The following PHKB variants were observed in gnomAD, a reference collection of about 807,000 sequenced individuals.
PHKB encodes phosphorylase kinase regulatory subunit beta, also known as phosphorylase b kinase regulatory subunit beta.
Under a neutral mutation model 152.1 loss-of-function variants are expected in PHKB, and 122 were observed. The observed-to-expected ratio is 0.80, with a 90% CI of 0.69 to 0.93. PHKB has a LOEUF of 0.93. Among genes scored for constraint, PHKB ranks in the 40% least tolerant of loss-of-function variants. The probability of loss-of-function intolerance (pLI) is 0.00; values close to 1 mark genes in which losing one functional copy is unlikely to be tolerated. For missense variants in PHKB, 1,304 were observed against 1,328.4 expected, an observed-to-expected ratio of 0.98 and a Z score of 0.29; for synonymous variants, 436 against 464.9, an observed-to-expected ratio of 0.94 and a Z score of 0.80.
At chr16:47,567,779 C>T (rs908494288) in intron 7 of PHKB, among the ~76,000 whole-genome samples, 5 of 152,016 alleles carry the variant, frequency 3.3e-5, no homozygotes, top group East Asian at 1.9e-4. Flanking sequence ...ATGCTTTTTC[C>T]GCATCTTTTA....
rs1051418895 is a variant in PHKB, at chr16:47,628,313, A to G, written c.1459-12722A>G. On this transcript the variant is annotated intron_variant, in intron 14 of 30. Coordinates refer to ENST00000323584, the MANE Select transcript of PHKB (RefSeq NM_000293.3). ...TTTGGGAGGCCGAGGCGGGTGGATC[A>G]TGAGGTCAGGAGATCGAGACCATCC... is the stretch of plus-strand genomic sequence containing the variant. Among the ~76,000 whole-genome samples, 9 of 152,260 alleles carry G rather than the reference A, an allele frequency of 5.9e-5. No homozygotes were observed. The East Asian group carries it at 1.4e-3, about 23-fold the overall frequency.
intron 8 of PHKB, among the ~76,000 whole-genome samples, chr16:47,586,970 AT>A (rs1971945531): frequency 6.6e-6 from 1 of 152,136 alleles, no homozygotes; most frequent in Non-Finnish European, 1.5e-5. Context: ...TGTATAAAAA[AT>A]ATATATATGG....
At chr16:47,678,339 C>T (rs994034129) in intron 26 of PHKB, among the ~76,000 whole-genome samples, 6 of 152,194 alleles carry the variant, frequency 3.9e-5, no homozygotes, top group Non-Finnish European at 8.8e-5. Context: ...CCTGAGGAAT[C>T]GCCACACTGA....
At chr16:47,483,222 AT>A (rs1969996472) in intron 1 of PHKB, among the ~76,000 whole-genome samples, 2 of 151,006 alleles carry the variant, frequency 1.3e-5, no homozygotes, top group Admixed American at 6.6e-5. Context: ...TATTTTTTGT[AT>A]TTTTAGTAGA....
chr16:47,559,655 G>A (rs914797642), intron 7 of PHKB, among the ~76,000 whole-genome samples: 2 of 152,174 alleles, frequency 1.3e-5, no homozygotes, highest in Non-Finnish European at 1.5e-5. Context: ...ACAGCATGGT[G>A]GCTGGGCTCC....
intron 10 of PHKB, among the ~76,000 whole-genome samples, chr16:47,592,914 CT>C: frequency 6.6e-6 from 1 of 152,186 alleles, no homozygotes; most frequent in South Asian, 2.1e-4. Context: ...ATAAACAAAT[CT>C]TTGACATATC....
At chr16:47,549,285 T>C (rs907569886) in intron 7 of PHKB, among the ~76,000 whole-genome samples, 2 of 152,230 alleles carry the variant, frequency 1.3e-5, no homozygotes, top group African/African-American at 4.8e-5. Flanking sequence ...TCAGTACATA[T>C]GATTATCAGA....
intron 13 of PHKB, 86 bp from the exon 14 acceptor site, chr16:47,610,740 T>G (rs1023279057): frequency 3.9e-6 from 3 of 773,992 alleles, no homozygotes; most frequent in East Asian, 2.5e-5. Flanking sequence ...ATTCTTCTCT[T>G]GTTGGAGTAT....
intron 25 of PHKB, chr16:47,665,920 C>T: frequency 6.4e-7 from 1 of 1,568,200 alleles, no homozygotes; most frequent in Non-Finnish European, 8.8e-7. Context: ...AACATCTGGC[C>T]TGCTCTCTTC....
At chr16:47,499,941 G>C (rs1324736790) in intron 3 of PHKB, 47 bp downstream of exon 3, 16 of 1,609,158 alleles carry the variant, frequency 9.9e-6, no homozygotes, top group Non-Finnish European at 1.4e-5. Context: ...TGGATAATAG[G>C]GTTTTGTAGG....
At chr16:47,500,553 A>G (rs1970307812) in intron 3 of PHKB, among the ~76,000 whole-genome samples, 2 of 152,224 alleles carry the variant, frequency 1.3e-5, no homozygotes, top group South Asian at 4.1e-4. Context: ...CCAAGTACTT[A>G]ACAAATTTGT....
rs767165222 is a variant in PHKB, at chr16:47,689,088, A to G, written c.2678A>G (p.Asp893Gly). 6.2e-7 allele frequency: 1 copy of G among 1,614,034 alleles called. No homozygotes were observed. The change falls in exon 27 of 31, where the codon GAC becomes GGC. Residue 893 changes from aspartate (D) to glycine (G), a missense_variant. Transcript: ENST00000323584. ...MEYELQIRGG[D>G]KPALDLYQLS... ...TATGAACTTCAGATCCGTGGCGGAG[A>G]CAAGCCAGCCTTGGACTTGTATCAG...
chr16:47,697,090 C>T (rs2142111238), intron 29 of PHKB, among the ~76,000 whole-genome samples: 1 of 152,280 alleles, frequency 6.6e-6, no homozygotes, highest in South Asian at 2.1e-4. Context: ...TTAAACATCA[C>T]CCCAAATACA....
chr16:47,640,847 T>C (rs1973005856), intron 14 of PHKB, among the ~76,000 whole-genome samples, 188 bp from the exon 15 acceptor site: 1 of 152,212 alleles, frequency 6.6e-6, no homozygotes. Flanking sequence ...CATTACTCTG[T>C]CTATATCATC....
intron 7 of PHKB, 34 bp downstream of exon 7, chr16:47,547,582 AT>A (rs1163047048): frequency 8.9e-7 from 1 of 1,125,298 alleles, no homozygotes; most frequent in Non-Finnish European, 1.4e-6. Context: ...TTTTTTTTAA[AT>A]TAAATGTATG....
chr16:47,514,974 A>G (rs1469953942), intron 5 of PHKB, among the ~76,000 whole-genome samples: 1 of 152,212 alleles, frequency 6.6e-6, no homozygotes, highest in Non-Finnish European at 1.5e-5. Context: ...AGTTGTTTAC[A>G]GAAATTCTGT....
intron 10 of PHKB, among the ~76,000 whole-genome samples, chr16:47,589,320 A>C (rs944590216): frequency 6.6e-6 from 1 of 152,216 alleles, no homozygotes; most frequent in African/African-American, 2.4e-5. Context: ...ACTTACATAA[A>C]AGTGCTTAGA....
chr16:47,542,218 G>A (rs546283531), intron 6 of PHKB, among the ~76,000 whole-genome samples: 131 of 152,146 alleles, frequency 8.6e-4, no homozygotes, highest in South Asian at 6.2e-3. Flanking sequence ...AGCTTTCTGC[G>A]TATGGCTAGC....
intron 24 of PHKB, 95 bp from the exon 25 acceptor site, chr16:47,664,790 A>G: frequency 1.3e-6 from 1 of 786,796 alleles, no homozygotes. Flanking sequence ...ATTAACTAGC[A>G]AACATTTAGA....
Sources: allele counts gnomAD v4.1 joint callset (sites outside exome capture counted in the v4.1 genomes callset), GRCh38; gene constraint gnomAD v4.1.1; transcripts MANE v1.5; gene names NCBI Gene and HGNC (gene_info 2026-07-23, HGNC 2026-07-21).